Variants in ADAMTSL1 observed in about 807,000 individuals in gnomAD.
ADAMTSL1 encodes ADAMTS like 1, also known as ADAMTS-like protein 1.
ADAMTSL1 carries 126 observed loss-of-function variants against 201.8 expected under a neutral mutation model. That is an observed-to-expected ratio of 0.62 (90% confidence interval 0.54 to 0.72). The LOEUF is 0.72. Ranked by LOEUF, ADAMTSL1 falls within the 30% of genes least tolerant of loss-of-function variation. The pLI is 0.00. For missense variants in ADAMTSL1, 2,679 were observed against 2,277.8 expected (o/e 1.18, Z -3.59); for synonymous variants, 1,121 against 903.4 (o/e 1.24, Z -4.32).
intron 1 of ADAMTSL1, among the ~76,000 whole-genome samples, chr9:18,155,472 C>A (rs142780557): frequency 1.3e-5 from 2 of 152,140 alleles, no homozygotes; most frequent in African/African-American, 2.4e-5. Context: ...GTCCAACCTG[C>A]GACCCATGGG....
chr9:18,119,387 G>C (rs776141884), intron 1 of ADAMTSL1, among the ~76,000 whole-genome samples: 15 of 151,948 alleles, frequency 9.9e-5, no homozygotes, highest in Non-Finnish European at 2.2e-4. Flanking sequence ...CCGCCTCCCA[G>C]GTTCAAGTGA....
chr9:18,869,359 A>G lies in ADAMTSL1; in HGVS notation c.4250-18472A>G, dbSNP rs76109165. 2.6e-4 allele frequency among the ~76,000 whole-genome samples: 40 copies of G among 152,370 alleles called. No homozygotes were observed. The East Asian group carries it at 5.6e-3, about 21-fold the overall frequency. On this transcript the variant is annotated intron_variant, in intron 23 of 28. Coordinates refer to ENST00000380548, the MANE Select transcript of ADAMTSL1 (RefSeq NM_001040272.6). ...ACTAATACACCCTTCCATGCTTTGC[A>G]GCTCACAATGTGCCTCCAGGGAAAT... is the stretch of plus-strand genomic sequence containing the variant.
chr9:18,341,456 T>C (rs1835460846), intron 2 of ADAMTSL1, among the ~76,000 whole-genome samples: 1 of 152,178 alleles, frequency 6.6e-6, no homozygotes, highest in Non-Finnish European at 1.5e-5. Flanking sequence ...ACTTTCATTT[T>C]GGAGAGCATT....
At chr9:17,989,292 T>C (rs185725466) in intron 1 of ADAMTSL1, among the ~76,000 whole-genome samples, 134 of 150,944 alleles carry the variant, frequency 8.9e-4, no homozygotes, top group African/African-American at 3.0e-3. Context: ...GATTGTACTA[T>C]ATGTAATGTT....
intron 4 of ADAMTSL1, among the ~76,000 whole-genome samples, chr9:18,611,166 GTATACCA>G (rs1825337230): frequency 6.6e-6 from 1 of 152,174 alleles, no homozygotes; most frequent in Non-Finnish European, 1.5e-5. Flanking sequence ...TGATGTCAAA[GTATACCA>G]TGATGTCACC....
intron 26 of ADAMTSL1, among the ~76,000 whole-genome samples, chr9:18,896,737 A>T (rs973726338): frequency 2.6e-5 from 4 of 152,122 alleles, no homozygotes; most frequent in Non-Finnish European, 5.9e-5. Context: ...GGATCAGGAG[A>T]TCCCCTAGTG....
Position 18,574,138 on chromosome 9 carries a change from G to C in ADAMTSL1, c.346G>C (p.Asp116His). The change falls in exon 4 of 29, where the codon GAC becomes CAC. Residue 116 changes from aspartate (D) to histidine (H), a missense_variant. Physicochemically the swap from Asp to His is moderately conservative, Grantham distance 81. Transcript: ENST00000380548. The part of the protein sequence containing the change: ...YEWLPVSNDP[D>H]NPCSLKCQAK... ...ATGGCTTCCTGTGTCTAATGACCCT[G>C]ACAACCCATGTTCACTCAAGTGCCA... 1 of 1,614,108 alleles carries C rather than the reference G, an allele frequency of 6.2e-7. No individual in the cohort carries two copies. Among genetic ancestry groups the C allele is most frequent in the South Asian group, 1.1e-5 (1 of 91,078 alleles).
At chr9:18,032,284 C>A (rs1820993016) in intron 1 of ADAMTSL1, among the ~76,000 whole-genome samples, 1 of 152,184 alleles carries the variant, frequency 6.6e-6, no homozygotes, top group African/African-American at 2.4e-5. Flanking sequence ...CAAGCTCTGG[C>A]CACAGACCTT....
chr9:18,411,406 C>T (rs1818438193), intron 2 of ADAMTSL1, among the ~76,000 whole-genome samples: 1 of 151,708 alleles, frequency 6.6e-6, no homozygotes, highest in African/African-American at 2.4e-5. Context: ...ACCATGTTGC[C>T]CAGGCTGGTC....
chr9:18,503,440 T>TATATATATATATATATATATAA, intron 1 of ADAMTSL1, among the ~76,000 whole-genome samples: 1 of 148,338 alleles, frequency 6.7e-6, no homozygotes, highest in East Asian at 2.1e-4. Context: ...TATATATATA[T>TATATATATATATATATATATAA]ACCACATTTT....
chr9:18,523,778 T>C (rs2132045149), intron 2 of ADAMTSL1, among the ~76,000 whole-genome samples: 1 of 140,610 alleles, frequency 7.1e-6, no homozygotes, highest in South Asian at 2.3e-4. Flanking sequence ...TTCTGAGGGC[T>C]CTGTTCTGTT....
chr9:17,951,677 C>T (rs1401588598), intron 1 of ADAMTSL1, among the ~76,000 whole-genome samples: 3 of 147,422 alleles, frequency 2.0e-5, no homozygotes, highest in Non-Finnish European at 3.0e-5. Context: ...TGGAGGAATT[C>T]TTTATATAAT....
chr9:18,173,818 T>A (rs769892572), intron 2 of ADAMTSL1, among the ~76,000 whole-genome samples: 2 of 152,180 alleles, frequency 1.3e-5, no homozygotes, highest in Non-Finnish European at 2.9e-5. Flanking sequence ...GGGGGGCATT[T>A]TCACGTTTCA....
At chr9:18,770,299 A>G (rs975932789) in intron 16 of ADAMTSL1, among the ~76,000 whole-genome samples, 7 of 152,144 alleles carry the variant, frequency 4.6e-5, no homozygotes, top group Admixed American at 1.3e-4. Flanking sequence ...AACCTTTTAA[A>G]CCAGTTGTCT....
intron 1 of ADAMTSL1, among the ~76,000 whole-genome samples, chr9:18,160,301 T>C (rs1296310699): frequency 2.6e-5 from 4 of 151,926 alleles, no homozygotes; most frequent in African/African-American, 7.3e-5. Context: ...TCCTTAGGAG[T>C]CTGGGAATCC....
chr9:18,540,427 C>A (rs7466047), intron 3 of ADAMTSL1, among the ~76,000 whole-genome samples: 35,023 of 152,040 alleles, frequency 0.23, 4,629 homozygotes, highest in East Asian at 0.62. Flanking sequence ...GTTGCTCTAC[C>A]TGAGGTGGTC....
chr9:18,650,738 C>T (rs115826190), intron 7 of ADAMTSL1, among the ~76,000 whole-genome samples: 3,136 of 152,216 alleles, frequency 0.021, 130 homozygotes, highest in African/African-American at 0.07. Flanking sequence ...CCTAGAGCAG[C>T]GTTTCTTCTA....
chr9:17,944,007 C>T (rs1217530052), intron 1 of ADAMTSL1, among the ~76,000 whole-genome samples: 2 of 151,792 alleles, frequency 1.3e-5, no homozygotes, highest in South Asian at 2.1e-4. Flanking sequence ...TTCACTATCA[C>T]AAAGACAGCA....
intron 21 of ADAMTSL1, among the ~76,000 whole-genome samples, chr9:18,818,029 G>T (rs1003056478): frequency 6.6e-5 from 10 of 152,146 alleles, no homozygotes; most frequent in African/African-American, 2.4e-4. Flanking sequence ...GTGGTAATAT[G>T]CTCTGTATAA....
Sources: allele counts gnomAD v4.1 joint callset (sites outside exome capture counted in the v4.1 genomes callset), GRCh38; gene constraint gnomAD v4.1.1; transcripts MANE v1.5; gene names NCBI Gene and HGNC (gene_info 2026-07-23, HGNC 2026-07-21).